MPPED2: variants seen among roughly 807,000 people sequenced by gnomAD.
MPPED2 encodes the protein metallophosphoesterase MPPED2.
In MPPED2, 5 loss-of-function variants were observed where a neutral mutation model predicts 33.0. That is an observed-to-expected ratio of 0.15 (90% CI 0.08 to 0.32). MPPED2 has a LOEUF of 0.32. Ranked by LOEUF, MPPED2 falls within the 10% of genes least tolerant of loss-of-function variation. The pLI is 1.00. For synonymous variants in MPPED2, 136 were observed against 141.9 expected, an observed-to-expected ratio of 0.96 and a Z score of 0.29; for missense variants, 275 against 372.1, an observed-to-expected ratio of 0.74 and a Z score of 2.15.
chr11:30,492,617 C>T (rs531696794), intron 4 of MPPED2, among the ~76,000 whole-genome samples: 1 of 152,230 alleles, frequency 6.6e-6, no homozygotes, highest in South Asian at 2.1e-4. Flanking sequence ...TCCTACATGA[C>T]CCCAGATTAC....
intron 4 of MPPED2, among the ~76,000 whole-genome samples, chr11:30,447,031 G>T (rs1279416372): frequency 6.6e-6 from 1 of 152,130 alleles, no homozygotes; most frequent in East Asian, 1.9e-4. Flanking sequence ...GAAAACAAAA[G>T]GTGATTTTAT....
intron 6 of MPPED2, among the ~76,000 whole-genome samples, chr11:30,394,701 T>C (rs991470144): frequency 6.6e-6 from 1 of 152,176 alleles, no homozygotes; most frequent in Admixed American, 6.5e-5. Flanking sequence ...CACTCTGTAA[T>C]TTGTATTTTT....
intron 1 of MPPED2, among the ~76,000 whole-genome samples, chr11:30,580,762 C>T (rs1398111039): frequency 6.6e-6 from 1 of 152,138 alleles, no homozygotes; most frequent in Non-Finnish European, 1.5e-5. Flanking sequence ...TGGCACTTAG[C>T]GTGAATTACG....
chr11:30,400,335 C>T (rs1947893189), intron 6 of MPPED2, among the ~76,000 whole-genome samples: 1 of 152,144 alleles, frequency 6.6e-6, no homozygotes, highest in Non-Finnish European at 1.5e-5. Flanking sequence ...TCCTGCCTCC[C>T]AAAGCTTTGG....
intron 2 of MPPED2, among the ~76,000 whole-genome samples, chr11:30,544,660 C>A (rs1055241018): frequency 1.3e-5 from 2 of 152,090 alleles, no homozygotes; most frequent in African/African-American, 4.8e-5. Flanking sequence ...CTGAGATGGT[C>A]CATGTGATAT....
chr11:30,411,780 T>G (rs1415699149), intron 6 of MPPED2, among the ~76,000 whole-genome samples, 194 bp from the exon 7 acceptor site: 1 of 152,212 alleles, frequency 6.6e-6, no homozygotes, highest in African/African-American at 2.4e-5. Flanking sequence ...TGGTAGAATC[T>G]TCTCCTTCAA....
chr11:30,410,938 T>C lies in MPPED2; in HGVS notation c.*530A>G. The C allele has an allele frequency of 1.0e-6, 1 of 985,796 alleles. No individual in the cohort carries two copies. Among genetic ancestry groups the C allele is most frequent in the Non-Finnish European group, 1.2e-6 (1 of 829,954 alleles). 61.1% of individuals were successfully genotyped at this position (985,796 alleles called of 1,614,324 possible). Reference sequence around the variant, plus strand: ...AATGCAGCTTTCTTTATAGTGAGAGTATGAAAAGAAGTCTTTTCCATGCCT... The same window carrying C: ...AATGCAGCTTTCTTTATAGTGAGAGCATGAAAAGAAGTCTTTTCCATGCCT... On this transcript the variant is annotated 3_prime_UTR_variant, in exon 7 of 7. Coordinates refer to ENST00000358117, the MANE Select transcript of MPPED2 (RefSeq NM_001584.3).
intron 4 of MPPED2, among the ~76,000 whole-genome samples, chr11:30,457,398 A>AC (rs1448516625): frequency 1.3e-5 from 2 of 148,710 alleles, no homozygotes; most frequent in Admixed American, 1.3e-4. Context: ...AAAAAAAAAA[A>AC]CAGTTCCTTC....
At chr11:30,420,987 C>T (rs1373958661) in intron 4 of MPPED2, among the ~76,000 whole-genome samples, 1 of 152,132 alleles carries the variant, frequency 6.6e-6, no homozygotes, top group African/African-American at 2.4e-5. Flanking sequence ...CAGAGAAAAA[C>T]AAGCAAAAGC....
rs184151187 is a variant in MPPED2 at position 30,447,799 on chromosome 11, T to A, written c.537-30166A>T. Among the ~76,000 whole-genome samples the A allele has an allele frequency of 2.0e-5, 3 of 152,238 alleles. No homozygotes were observed. In the East Asian group the frequency reaches 5.8e-4, roughly 29 times the overall value. ...AATCTTTACTTCAATCAACCGGTAT[T>A]TCCTGAGAGGTTTCGTGAGTCCCTG... On this transcript the variant is annotated intron_variant, in intron 4 of 6. Coordinates refer to ENST00000358117, the MANE Select transcript of MPPED2 (RefSeq NM_001584.3).
At position 30,411,114 on chromosome 11, in the gene MPPED2, C is replaced by A. The variant is rs1242347264; in HGVS notation, c.*354G>T. ...CAAATCTGTGTTGGTTTTTAAAACA[C>A]TGCCTGTTTCTTATTTTTTTTTCTT... On this transcript the variant is annotated 3_prime_UTR_variant, in exon 7 of 7. Transcript: ENST00000358117. 7.1e-6 allele frequency: 7 copies of A among 992,198 alleles called. No individual in the cohort carries two copies. Among genetic ancestry groups the A allele is most frequent in the Non-Finnish European group, 8.4e-6 (7 of 834,258 alleles). The allele number at this position is 992,198 out of a possible 1,614,324, so 61.5% of individuals were successfully genotyped here.
intron 3 of MPPED2, among the ~76,000 whole-genome samples, chr11:30,507,813 T>A (rs911144484): frequency 1.3e-5 from 2 of 152,198 alleles, no homozygotes; most frequent in African/African-American, 2.4e-5. Context: ...TTGGCAATGC[T>A]TTTATGGCTT....
At chr11:30,391,068 A>G (rs952464398) in intron 6 of MPPED2, among the ~76,000 whole-genome samples, 1 of 152,206 alleles carries the variant, frequency 6.6e-6, no homozygotes, top group Non-Finnish European at 1.5e-5. Flanking sequence ...AAAAATTTGC[A>G]GCCATTAAAC....
chr11:30,457,082 C>G (rs1419621013), intron 4 of MPPED2, among the ~76,000 whole-genome samples: 1 of 152,150 alleles, frequency 6.6e-6, no homozygotes, highest in African/African-American at 2.4e-5. Context: ...ATTTTCTTCT[C>G]TGTCCTTTCA....
exon 7 of MPPED2, chr11:30,388,543 G>C (rs1457262658): frequency 5.9e-6 from 1 of 170,556 alleles, no homozygotes; most frequent in East Asian, 1.6e-4. Context: ...CTTAGAGAAG[G>C]AATCAGCTCT....
intron 6 of MPPED2, among the ~76,000 whole-genome samples, chr11:30,413,033 AG>A (rs1565042221): frequency 6.6e-6 from 1 of 152,134 alleles, no homozygotes; most frequent in Non-Finnish European, 1.5e-5. Flanking sequence ...CCTCCTTTTC[AG>A]GGAGCATAGC....
intron 6 of MPPED2, among the ~76,000 whole-genome samples, chr11:30,404,282 A>G (rs1019551035): frequency 6.6e-6 from 1 of 152,238 alleles, no homozygotes; most frequent in African/African-American, 2.4e-5. Flanking sequence ...CCTTGGATAA[A>G]TCATTCCTCT....
chr11:30,578,170 A>G (rs1239338134), intron 2 of MPPED2, among the ~76,000 whole-genome samples: 1 of 152,286 alleles, frequency 6.6e-6, no homozygotes, highest in Non-Finnish European at 1.5e-5. Context: ...GCTTTGAGGC[A>G]TTTGATGAGC....
chr11:30,510,268 T>A (rs1953081344), intron 3 of MPPED2, among the ~76,000 whole-genome samples: 1 of 152,180 alleles, frequency 6.6e-6, no homozygotes, highest in Admixed American at 6.6e-5. Context: ...CAGGGAGTAA[T>A]TTAAGATGAT....
Sources: allele counts gnomAD v4.1 joint callset (sites outside exome capture counted in the v4.1 genomes callset), GRCh38; gene constraint gnomAD v4.1.1; transcripts MANE v1.5; gene names NCBI Gene and HGNC (gene_info 2026-07-23, HGNC 2026-07-21).